Variants in NRCAM observed in about 807,000 individuals in gnomAD.
NRCAM encodes NgCAM-related cell adhesion molecule.
In NRCAM, 83 loss-of-function variants were observed where a neutral mutation model predicts 156.5. That is an observed-to-expected ratio of 0.53 (90% CI 0.44 to 0.64). NRCAM has a LOEUF of 0.64. Among genes scored for constraint, NRCAM ranks in the 30% least tolerant of loss-of-function variants. The probability of loss-of-function intolerance (pLI) is 0.00; values close to 1 mark genes in which losing one functional copy is unlikely to be tolerated. For synonymous variants in NRCAM, 538 were observed against 563.9 expected (o/e 0.95, Z 0.65); for missense variants, 1,417 against 1,597.3 (o/e 0.89, Z 1.92).
intron 32 of NRCAM, chr7:108,156,484 G>C (rs1375817197): frequency 1.1e-6 from 1 of 935,390 alleles, no homozygotes; most frequent in Non-Finnish European, 1.3e-6. Context: ...GAAAGCTGCA[G>C]GCTTCCAACA....
chr7:108,158,837 G>A (rs1003600681), intron 32 of NRCAM, among the ~76,000 whole-genome samples: 1 of 152,056 alleles, frequency 6.6e-6, no homozygotes, highest in Non-Finnish European at 1.5e-5. Flanking sequence ...TTAAAGAGAA[G>A]ATTTTTAAAA....
rs779140036 is a variant in NRCAM at position 108,182,843 on chromosome 7, T to C, written c.2382A>G (p.Glu794=). The C allele has an allele frequency of 3.1e-6, 5 of 1,614,208 alleles. No individual in the cohort carries two copies. Among genetic ancestry groups the C allele is most frequent in the Non-Finnish European group, 3.4e-6 (4 of 1,180,032 alleles). The change falls in exon 23 of 33, where the codon GAA becomes GAG. Residue 794 remains glutamate (E), a synonymous_variant. Coordinates refer to ENST00000379028, the MANE Select transcript of NRCAM (RefSeq NM_001037132.4). ...CATTTGCCACAACCACAGATGTCCATTCATCATCACCATCTTTCTGGCGCC... is the reference window on the plus strand; with the variant it reads ...CATTTGCCACAACCACAGATGTCCACTCATCATCACCATCTTTCTGGCGCC... ...VSWRQKDGDD[E]WTSVVVANVS...
chr7:108,432,386 T>C lies in NRCAM; in HGVS notation c.-332+23857A>G, dbSNP rs144804994. On this transcript the variant is annotated intron_variant, in intron 1 of 32. Coordinates refer to ENST00000379028, the MANE Select transcript of NRCAM (RefSeq NM_001037132.4). The stretch of plus-strand genomic sequence containing the variant: ...TCGAAGAATTGGTGTAACAAGACTA[T>C]GGATTTCTACGAAACAGTAAGCAGG... 1.0e-3 allele frequency among the ~76,000 whole-genome samples: 154 copies of C among 152,354 alleles called. 1 individual carries two copies. The highest frequency in any genetic ancestry group is 3.4e-3 in the African/African-American group (141 of 41,576).
At chr7:108,450,079 T>C (rs1848585421) in intron 1 of NRCAM, among the ~76,000 whole-genome samples, 1 of 152,192 alleles carries the variant, frequency 6.6e-6, no homozygotes. Context: ...ACAGTACCTG[T>C]CATTTTCATT....
Position 108,150,041 on chromosome 7 carries a change from C to A in NRCAM, c.3784G>T (p.Val1262Phe), listed in dbSNP as rs777609344. 1.2e-6 allele frequency: 2 copies of A among 1,614,064 alleles called. No homozygotes were observed. Among genetic ancestry groups the A allele is most frequent in the South Asian group, 1.1e-5 (1 of 91,070 alleles). Reference protein sequence around the residue: ...DDSLVDYGEGVNGQFNEDGSF... With the variant: ...DDSLVDYGEGFNGQFNEDGSF... Reference sequence around the variant, plus strand: ...CCATCCTCATTGAACTGGCCATTAACCCCTTCTCCATAGTCAACTAGGCTG... The same window carrying A: ...CCATCCTCATTGAACTGGCCATTAAACCCTTCTCCATAGTCAACTAGGCTG... Residue 1262 changes from valine to phenylalanine, a missense_variant, in exon 33 of 33, where the codon GTT (valine) becomes TTT (phenylalanine). By Grantham distance (50) the Val-to-Phe change is conservative (BLOSUM62 -1). Coordinates refer to ENST00000379028, the MANE Select transcript of NRCAM (RefSeq NM_001037132.4).
chr7:108,386,300 T>C (rs2099740701), intron 2 of NRCAM, among the ~76,000 whole-genome samples: 1 of 152,164 alleles, frequency 6.6e-6, no homozygotes, highest in South Asian at 2.1e-4. Context: ...TATTAGTAAT[T>C]TAGAAACTTC....
At chr7:108,273,893 T>G (rs2154061247) in intron 3 of NRCAM, among the ~76,000 whole-genome samples, 1 of 152,368 alleles carries the variant, frequency 6.6e-6, no homozygotes, top group East Asian at 1.9e-4. Flanking sequence ...ATTTAAATCT[T>G]TAATCCATCT....
chr7:108,192,169 G>C (rs1026845729), intron 17 of NRCAM, among the ~76,000 whole-genome samples: 12 of 152,090 alleles, frequency 7.9e-5, no homozygotes, highest in African/African-American at 2.9e-4. Flanking sequence ...AGAGGGGACC[G>C]CTGCTCTAGA....
chr7:108,371,446 C>T (rs537520231), intron 2 of NRCAM, among the ~76,000 whole-genome samples: 1 of 152,196 alleles, frequency 6.6e-6, no homozygotes, highest in African/African-American at 2.4e-5. Flanking sequence ...ACTCTCACTC[C>T]ACACTAAGGG....
chr7:108,437,235 G>T (rs866872752), intron 1 of NRCAM, among the ~76,000 whole-genome samples: 9 of 152,164 alleles, frequency 5.9e-5, no homozygotes, highest in Middle Eastern at 6.3e-3. Context: ...TGAACTCATG[G>T]ACATAGAAAG....
intron 1 of NRCAM, among the ~76,000 whole-genome samples, chr7:108,434,820 A>G (rs942899783): frequency 6.6e-6 from 1 of 152,180 alleles, no homozygotes; most frequent in African/African-American, 2.4e-5. Flanking sequence ...AACTGAGTGG[A>G]GACATCAGCA....
At chr7:108,323,603 G>A (rs2099028397) in intron 2 of NRCAM, among the ~76,000 whole-genome samples, 1 of 152,122 alleles carries the variant, frequency 6.6e-6, no homozygotes, top group African/African-American at 2.4e-5. Flanking sequence ...TTGGCAAATA[G>A]TTTCTGAGTA....
At chr7:108,355,065 C>A (rs2099478573) in intron 2 of NRCAM, among the ~76,000 whole-genome samples, 1 of 152,132 alleles carries the variant, frequency 6.6e-6, no homozygotes, top group Admixed American at 6.5e-5. Context: ...AGCTCTGCTC[C>A]TTGATAAGAA....
chr7:108,274,167 G>A (rs1358237155), intron 3 of NRCAM, among the ~76,000 whole-genome samples: 1 of 152,144 alleles, frequency 6.6e-6, no homozygotes, highest in Non-Finnish European at 1.5e-5. Flanking sequence ...TTGAAGTCAG[G>A]TAGCGTGATG....
At chr7:108,448,355 T>C (rs981091467) in intron 1 of NRCAM, among the ~76,000 whole-genome samples, 1 of 152,242 alleles carries the variant, frequency 6.6e-6, no homozygotes, top group Non-Finnish European at 1.5e-5. Context: ...GTAGAAATAT[T>C]CATTTGAATG....
chr7:108,213,200 G>A (rs1273970190), intron 11 of NRCAM, among the ~76,000 whole-genome samples: 1 of 152,186 alleles, frequency 6.6e-6, no homozygotes, highest in African/African-American at 2.4e-5. Context: ...AATGCTGAGA[G>A]AATTTGCCAT....
chr7:108,156,829 G>T (rs2045786452), intron 32 of NRCAM, among the ~76,000 whole-genome samples: 1 of 152,132 alleles, frequency 6.6e-6, no homozygotes, highest in African/African-American at 2.4e-5. Flanking sequence ...GTGATCTCAG[G>T]AAGTGAATGA....
chr7:108,194,011 C>A lies in NRCAM; in HGVS notation c.1778+13G>T, dbSNP rs764942537. ...AAGAATGAAGAGAAAGTAAAGAAAT[C>A]GTCTTCAAATACCTTTCATCACTGG... On this transcript the variant is annotated intron_variant, in intron 17 of 32. Coordinates refer to ENST00000379028, the MANE Select transcript of NRCAM (RefSeq NM_001037132.4). 2 of 1,609,848 alleles carry A rather than the reference C, an allele frequency of 1.2e-6. No homozygotes were observed. The highest frequency in any genetic ancestry group is 1.7e-6 in the Non-Finnish European group (2 of 1,177,338).
chr7:108,388,128 T>A (rs369394567), intron 2 of NRCAM, among the ~76,000 whole-genome samples: 1 of 152,152 alleles, frequency 6.6e-6, no homozygotes, highest in Non-Finnish European at 1.5e-5. Flanking sequence ...CCTGAGGAAT[T>A]GCCACACTGA....
Sources: allele counts gnomAD v4.1 joint callset (sites outside exome capture counted in the v4.1 genomes callset), GRCh38; gene constraint gnomAD v4.1.1; transcripts MANE v1.5; gene names NCBI Gene and HGNC (gene_info 2026-07-23, HGNC 2026-07-21).